The following BAHD1 variants were observed in gnomAD, a reference collection of about 807,000 sequenced individuals.
BAHD1 encodes the protein bromo adjacent homology domain containing 1, also known as bromo adjacent homology domain-containing 1 protein.
A neutral mutation model predicts 63.1 loss-of-function variants in BAHD1; 20 were observed. The ratio of observed to expected loss-of-function variants is 0.32; its 90% CI spans 0.22 to 0.46. BAHD1 has a LOEUF of 0.46. Ranked by LOEUF, BAHD1 falls within the 20% of genes least tolerant of loss-of-function variation. The pLI is 1.00. For synonymous variants in BAHD1, 408 were observed against 426.8 expected (o/e 0.96, Z 0.54); for missense variants, 939 against 1,071.8 (o/e 0.88, Z 1.73).
chr15:40,444,985 C>T (rs553494554), intron 1 of BAHD1, among the ~76,000 whole-genome samples: 23 of 152,196 alleles, frequency 1.5e-4, no homozygotes, highest in East Asian at 5.8e-4. Context: ...CCTACTACTT[C>T]TCTCCTCCTT....
chr15:40,466,131 C>T lies in BAHD1; in HGVS notation c.*1C>T, dbSNP rs1175339431. The T allele has an allele frequency of 4.3e-6, 7 of 1,610,970 alleles. No individual in the cohort carries two copies. The highest frequency in any genetic ancestry group is 1.3e-5 in the African/African-American group (1 of 74,904). ...GCGCATCCTTAAGAACCCCCAGTAG[C>T]CTCCTCATGCCCATGCTGGGGCTAC... is the stretch of plus-strand genomic sequence containing the variant. On this transcript the variant is annotated 3_prime_UTR_variant, in exon 7 of 7. Transcript: ENST00000416165.
At chr15:40,450,759 C>T (rs916913436) in intron 1 of BAHD1, among the ~76,000 whole-genome samples, 1 of 152,152 alleles carries the variant, frequency 6.6e-6, no homozygotes, top group Admixed American at 6.5e-5. Flanking sequence ...TTAAGGGGTG[C>T]CCCCCAACCC....
chr15:40,453,367 C>T (rs1348865057), intron 1 of BAHD1: 2 of 152,236 alleles, frequency 1.3e-5, no homozygotes, highest in Non-Finnish European at 2.9e-5. Context: ...GTAACAGCAA[C>T]TAACTTTAAG....
At chr15:40,442,301 C>T (rs866067670) in intron 1 of BAHD1, among the ~76,000 whole-genome samples, 95 of 151,704 alleles carry the variant, frequency 6.3e-4, no homozygotes, top group African/African-American at 2.2e-3. Context: ...CCGGGGACTG[C>T]GGGGGCCGGG....
chr15:40,457,397 C>A (rs1893879362), intron 1 of BAHD1, among the ~76,000 whole-genome samples: 1 of 152,168 alleles, frequency 6.6e-6, no homozygotes, highest in African/African-American at 2.4e-5. Context: ...TCAAATGAGA[C>A]TTCTCCACCA....
At chr15:40,444,548 G>A (rs1893484490) in intron 1 of BAHD1, among the ~76,000 whole-genome samples, 1 of 152,136 alleles carries the variant, frequency 6.6e-6, no homozygotes, top group African/African-American at 2.4e-5. Context: ...CAAACCGGGT[G>A]CAAATGAGGG....
intron 1 of BAHD1, among the ~76,000 whole-genome samples, chr15:40,453,250 C>G (rs1893757430): frequency 6.6e-6 from 1 of 152,228 alleles, no homozygotes; most frequent in African/African-American, 2.4e-5. Flanking sequence ...TGACTCAATG[C>G]TTTGGTTCTT....
chr15:40,461,374 A>G (rs1032008248), intron 2 of BAHD1, among the ~76,000 whole-genome samples: 1 of 152,182 alleles, frequency 6.6e-6, no homozygotes, highest in African/African-American at 2.4e-5. Context: ...GCGGTGGCTC[A>G]TGCCTGTAAT....
At chr15:40,465,062 C>T (rs1250126876) in intron 5 of BAHD1, 3 of 501,142 alleles carry the variant, frequency 6.0e-6, no homozygotes, top group Non-Finnish European at 7.2e-6. Flanking sequence ...CATTTCCCCT[C>T]TCCTACGCTA....
chr15:40,444,905 C>T (rs935953695), intron 1 of BAHD1, among the ~76,000 whole-genome samples: 2 of 152,096 alleles, frequency 1.3e-5, no homozygotes, highest in South Asian at 2.1e-4. Context: ...TTCCCTTCTA[C>T]GCGGGAAGGC....
Position 40,462,081 on chromosome 15 carries a change from G to A in BAHD1, c.1602G>A (p.Ala534=), listed in dbSNP as rs771661919. The A allele has an allele frequency of 2.2e-5, 36 of 1,613,360 alleles. No homozygotes were observed. Among genetic ancestry groups the A allele is most frequent in the Middle Eastern group, 1.6e-4 (1 of 6,084 alleles). ...CGGAGCCCCAGACAGTAGCCCGTGC[G>A]TGCCCTCAGAGCGCCAAACCTCCCA... ...PTSEPQTVAR[A]CPQSAKPPSG... Residue 534 remains alanine, a synonymous_variant, in exon 3 of 7, where the codon GCG becomes GCA. Coordinates refer to ENST00000416165, the MANE Select transcript of BAHD1 (RefSeq NM_014952.5).
intron 2 of BAHD1, among the ~76,000 whole-genome samples, chr15:40,460,548 C>G (rs1894009035): frequency 6.6e-6 from 1 of 152,132 alleles, no homozygotes; most frequent in Non-Finnish European, 1.5e-5. Context: ...CGATCAGGGC[C>G]CACAGCTTTG....
upstream of BAHD1, among the ~76,000 whole-genome samples, chr15:40,438,877 A>G (rs1022799224): frequency 6.6e-6 from 1 of 152,192 alleles, no homozygotes; most frequent in African/African-American, 2.4e-5. Context: ...CCTGGGCTGC[A>G]GACAGGAGCC....
At chr15:40,437,639 G>A (rs1035485040), upstream of BAHD1, among the ~76,000 whole-genome samples, 3 of 152,210 alleles carry the variant, frequency 2.0e-5, no homozygotes, top group Non-Finnish European at 4.4e-5. Context: ...GACAGGGGCT[G>A]CCCCACTTCC....
chr15:40,454,299 T>C (rs115931422), intron 1 of BAHD1: 5,335 of 152,664 alleles, frequency 0.035, 155 homozygotes, highest in African/African-American at 0.085. Flanking sequence ...CTGCTTGTGC[T>C]GGTGGGGTTG....
Position 40,466,254 on chromosome 15 carries a change from T to G in BAHD1, c.*124T>G. Reference sequence around the variant, plus strand: ...CTAAGTTTGCTGGCCTGTGGTTTTCTTGGGGGGGAGGGCAGGGGCCCCTGT... The same window carrying G: ...CTAAGTTTGCTGGCCTGTGGTTTTCGTGGGGGGGAGGGCAGGGGCCCCTGT... On this transcript the variant is annotated 3_prime_UTR_variant, in exon 7 of 7. Coordinates refer to ENST00000416165, the MANE Select transcript of BAHD1 (RefSeq NM_014952.5). The G allele has an allele frequency of 3.6e-6, 3 of 822,956 alleles. No homozygotes were observed. Among genetic ancestry groups the G allele is most frequent in the Non-Finnish European group, 5.3e-6 (3 of 566,418 alleles). 51.0% of individuals were successfully genotyped at this position (822,956 alleles called of 1,614,324 possible). A position where few individuals can be genotyped will look rare whatever the true frequency, so the allele number is the denominator to read the frequency against.
upstream of BAHD1, among the ~76,000 whole-genome samples, chr15:40,438,210 A>G (rs1435474893): frequency 6.6e-6 from 1 of 152,172 alleles, no homozygotes; most frequent in East Asian, 1.9e-4. Flanking sequence ...GACCGAAGGA[A>G]GGAGGAAGAG....
chr15:40,441,479 C>G (rs1893399769), intron 1 of BAHD1, among the ~76,000 whole-genome samples: 1 of 151,182 alleles, frequency 6.6e-6, no homozygotes, highest in Admixed American at 6.6e-5. Flanking sequence ...CGCGCCACCT[C>G]CCTCCCCTGG....
intron 5 of BAHD1, chr15:40,464,814 G>A (rs1273813136): frequency 1.0e-5 from 5 of 502,014 alleles, no homozygotes; most frequent in African/African-American, 3.8e-5. Context: ...GCCAATGGGA[G>A]CAAGTGGATG....
Sources: gnomAD v4.1 joint callset for allele counts (sites outside exome capture counted in the v4.1 genomes callset) on GRCh38, gnomAD v4.1.1 for gene constraint, MANE v1.5 for transcripts, NCBI Gene and HGNC (gene_info 2026-07-23, HGNC 2026-07-21) for gene names.